The following KCNN2 variants were observed in gnomAD, a reference collection of about 807,000 sequenced individuals.
KCNN2 encodes small conductance calcium-activated potassium channel protein 2.
KCNN2 carries 24 observed loss-of-function variants against 55.5 expected under a neutral mutation model. That is an observed-to-expected ratio of 0.43 (90% CI 0.31 to 0.61). The LOEUF is 0.61. Ranked by LOEUF, KCNN2 falls within the 20% of genes least tolerant of loss-of-function variation. The probability of loss-of-function intolerance (pLI) is 0.08; values close to 1 mark genes in which losing one functional copy is unlikely to be tolerated. For missense variants in KCNN2, 754 were observed against 853.6 expected (o/e 0.88, Z 1.45); for synonymous variants, 431 against 336.1 (o/e 1.28, Z -3.09).
At chr5:114,093,948 G>A (rs1466881322) in intron 1 of KCNN2, among the ~76,000 whole-genome samples, 1 of 152,166 alleles carries the variant, frequency 6.6e-6, no homozygotes, top group East Asian at 1.9e-4. Flanking sequence ...GTGAAAAACT[G>A]AGACTCTGTA....
chr5:114,399,001 G>C (rs1373305650), intron 2 of KCNN2, among the ~76,000 whole-genome samples: 1 of 152,150 alleles, frequency 6.6e-6, no homozygotes, highest in Non-Finnish European at 1.5e-5. Context: ...GGGATAGTTT[G>C]AATTCCTCTC....
At chr5:114,194,720 C>T (rs1431401261) in intron 1 of KCNN2, among the ~76,000 whole-genome samples, 1 of 151,844 alleles carries the variant, frequency 6.6e-6, no homozygotes. Context: ...TTTCTTGTCA[C>T]TTGTGCTTTT....
intron 1 of KCNN2, among the ~76,000 whole-genome samples, chr5:114,079,878 A>C (rs933627861): frequency 6.6e-6 from 1 of 151,796 alleles, no homozygotes; most frequent in Non-Finnish European, 1.5e-5. Flanking sequence ...ACAGAGAGAC[A>C]GAGAAGGTGG....
intron 1 of KCNN2, among the ~76,000 whole-genome samples, chr5:114,161,651 G>A (rs969435107): frequency 1.3e-5 from 2 of 152,190 alleles, no homozygotes; most frequent in Non-Finnish European, 2.9e-5. Context: ...ATCAGACGTA[G>A]ATTTGGTCTT....
chr5:114,453,459 A>T (rs917401371), intron 3 of KCNN2, among the ~76,000 whole-genome samples: 1 of 152,188 alleles, frequency 6.6e-6, no homozygotes, highest in Non-Finnish European at 1.5e-5. Context: ...GGTATTTAAA[A>T]ATTTACAGTC....
At chr5:114,247,177 A>T (rs1346521681) in intron 2 of KCNN2, among the ~76,000 whole-genome samples, 1 of 139,322 alleles carries the variant, frequency 7.2e-6, no homozygotes, top group African/African-American at 2.7e-5. Context: ...TACAAAAATT[A>T]GCCAGGCATG....
intron 1 of KCNN2, among the ~76,000 whole-genome samples, chr5:114,199,840 T>G (rs2112570881): frequency 6.6e-6 from 1 of 152,248 alleles, no homozygotes; most frequent in Admixed American, 6.5e-5. Context: ...CATCTCATTC[T>G]CTTTGAGACT....
intron 2 of KCNN2, among the ~76,000 whole-genome samples, chr5:114,310,852 T>A (rs967623611): frequency 2.0e-5 from 3 of 152,150 alleles, no homozygotes; most frequent in African/African-American, 4.8e-5. Context: ...GTTCTGTTTT[T>A]AAAAAGCAAA....
chr5:114,293,562 A>C (rs1175070681), intron 2 of KCNN2, among the ~76,000 whole-genome samples: 1 of 152,150 alleles, frequency 6.6e-6, no homozygotes. Context: ...ATGGTGGATA[A>C]GGTTTTTGAT....
intron 3 of KCNN2, among the ~76,000 whole-genome samples, chr5:114,445,113 T>C (rs746030579): frequency 6.6e-6 from 1 of 152,192 alleles, no homozygotes; most frequent in Non-Finnish European, 1.5e-5. Context: ...TGTATATGTA[T>C]ACATGCAATG....
At chr5:114,461,680 C>G (rs189350965) in intron 3 of KCNN2, among the ~76,000 whole-genome samples, 55 of 151,844 alleles carry the variant, frequency 3.6e-4, no homozygotes, top group African/African-American at 1.3e-3. Flanking sequence ...TAAGATAAAT[C>G]TGCATTTTTT....
At chr5:114,129,728 C>CA (rs1049141010) in intron 1 of KCNN2, among the ~76,000 whole-genome samples, 1 of 152,190 alleles carries the variant, frequency 6.6e-6, no homozygotes, top group Non-Finnish European at 1.5e-5. Flanking sequence ...GGCAGCAACC[C>CA]AATTTCCTCC....
intron 2 of KCNN2, among the ~76,000 whole-genome samples, chr5:114,247,202 C>CAAAAAAAAAAAAAAAAAAAAAAAA (rs370172975): frequency 1.0e-4 from 7 of 68,094 alleles, no homozygotes; most frequent in East Asian, 4.0e-4. Context: ...CATATGTCTC[C>CAAAAAAAAAAAAAAAAAAAAAAAA]AAAAAAAAAA....
intron 1 of KCNN2, among the ~76,000 whole-genome samples, chr5:114,075,467 C>G (rs1750666353): frequency 3.3e-5 from 5 of 152,174 alleles, no homozygotes; most frequent in Admixed American, 3.3e-4. Context: ...TGAAATTTTA[C>G]TGTAAAATAT....
intron 1 of KCNN2, among the ~76,000 whole-genome samples, chr5:114,096,135 A>G (rs1024104730): frequency 6.6e-6 from 1 of 152,210 alleles, no homozygotes; most frequent in South Asian, 2.1e-4. Context: ...ATAGATTTGT[A>G]TTCAAACTGT....
intron 1 of KCNN2, among the ~76,000 whole-genome samples, chr5:114,201,382 C>T (rs1245444378): frequency 1.3e-5 from 2 of 152,168 alleles, no homozygotes; most frequent in East Asian, 3.9e-4. Context: ...GGGCATAGCC[C>T]AGTGTTAAGC....
chr5:114,472,407 C>T (rs778164129), intron 4 of KCNN2, among the ~76,000 whole-genome samples: 3 of 152,118 alleles, frequency 2.0e-5, no homozygotes, highest in African/African-American at 2.4e-5. Context: ...GAAGATGACC[C>T]GTGCCTTTCC....
intron 3 of KCNN2, among the ~76,000 whole-genome samples, chr5:114,435,580 G>A (rs1759975814): frequency 6.6e-6 from 1 of 151,656 alleles, no homozygotes; most frequent in African/African-American, 2.4e-5. Flanking sequence ...TGATCAAAGA[G>A]CCAAATATAG....
intron 3 of KCNN2, among the ~76,000 whole-genome samples, chr5:114,421,354 G>A (rs959769700): frequency 1.3e-5 from 2 of 152,014 alleles, no homozygotes; most frequent in Non-Finnish European, 2.9e-5. Flanking sequence ...GCAGTGGCAC[G>A]ATCCCAGCTC....
Sources: gnomAD v4.1 joint callset for allele counts (sites outside exome capture counted in the v4.1 genomes callset) on GRCh38, gnomAD v4.1.1 for gene constraint, MANE v1.5 for transcripts, NCBI Gene and HGNC (gene_info 2026-07-23, HGNC 2026-07-21) for gene names.